Variants in TRIM5 observed in about 807,000 individuals in gnomAD.
TRIM5 encodes the protein tripartite motif containing 5.
Under a neutral mutation model 35.6 loss-of-function variants are expected in TRIM5, and 31 were observed. That is an observed-to-expected ratio of 0.87 (90% CI 0.65 to 1.18). The LOEUF is 1.18. TRIM5 is among the 50% of genes most tolerant of loss of function. The pLI is 0.00. For synonymous variants in TRIM5, 243 were observed against 215.6 expected (o/e 1.13, Z -1.11); for missense variants, 609 against 591.6 (o/e 1.03, Z -0.31).
chr11:5,642,367 T>C, the TRIM5 span: 15 of 1,571,932 alleles, frequency 9.5e-6, 1 homozygote, highest in Admixed American at 1.9e-4. Context: ...GGACACAGGA[T>C]GAGAGATGTG....
chr11:5,630,769 C>T, the TRIM5 span, among the ~76,000 whole-genome samples: 1 of 152,140 alleles, frequency 6.6e-6, no homozygotes, highest in Non-Finnish European at 1.5e-5. Flanking sequence ...TTACACCTAC[C>T]ATTTTACATT....
At chr11:5,655,716 A>G in the TRIM5 span, 219 of 985,068 alleles carry the variant, frequency 2.2e-4, no homozygotes, top group East Asian at 0.02. Flanking sequence ...AAAAAAGAAT[A>G]AGATAGATAA....
chr11:5,643,126 T>TATATATA, the TRIM5 span: 471,167 of 1,074,102 alleles, frequency 0.44, 89,086 homozygotes, highest in Non-Finnish European at 0.47. Context: ...TATATATATA[T>TATATATA]TTTTTTTTTT....
In TRIM5 at chr11:5,665,067, A is replaced by T. The variant is rs1437989204; in HGVS notation, c.1224T>A (p.Val408=). The change falls in exon 8 of 8, where the codon GTT becomes GTA. Residue 408 remains valine (V), a synonymous_variant. Transcript: ENST00000380034. ...GYWVIGLEEG[V]KCSAFQDSSF... is the part of the protein sequence containing the mutation. ...AACTATCCTGGAAAGCACTACATTT[A>T]ACTCCTTCCTCTAACCCTATAACCC... is the stretch of plus-strand genomic sequence containing the variant. The T allele has an allele frequency of 1.2e-6, 2 of 1,614,134 alleles. No individual in the cohort carries two copies. The highest frequency in any genetic ancestry group is 2.2e-5 in the South Asian group (2 of 91,076).
chr11:5,603,981 G>C, the TRIM5 span, among the ~76,000 whole-genome samples: 1 of 151,834 alleles, frequency 6.6e-6, no homozygotes, highest in African/African-American at 2.4e-5. Context: ...GGCAGGGTAG[G>C]TAAAGGAATT....
chr11:5,653,746 C>T, the TRIM5 span, among the ~76,000 whole-genome samples: 1 of 152,104 alleles, frequency 6.6e-6, no homozygotes, highest in Non-Finnish European at 1.5e-5. Flanking sequence ...CTGCCTCGGC[C>T]TCCCAAAGTG....
chr11:5,599,497 G>A, the TRIM5 span, among the ~76,000 whole-genome samples: 3 of 151,988 alleles, frequency 2.0e-5, no homozygotes, highest in Non-Finnish European at 4.4e-5. Context: ...TCCACCTTCC[G>A]GGTTCACGCC....
At position 5,678,298 on chromosome 11, in the gene TRIM5, G is replaced by C. The variant is rs140632799; in HGVS notation, c.650C>G (p.Ser217Cys). The C allele has an allele frequency of 1.9e-6, 3 of 1,614,040 alleles. No homozygotes were observed. Among genetic ancestry groups the C allele is most frequent in the Non-Finnish European group, 2.5e-6 (3 of 1,180,016 alleles). ...GGTCTGCTGCACCATCTCAGTTTCAGAGTTCGTAAGGCTTTTCAGAATGTC... is the reference window on the plus strand; with the variant it reads ...GGTCTGCTGCACCATCTCAGTTTCACAGTTCGTAAGGCTTTTCAGAATGTC... ...EEDILKSLTN[S>C]ETEMVQQTQS... The change falls in exon 4 of 8, where the codon TCT (serine) becomes TGT (cysteine). Residue 217 changes from serine (S) to cysteine (C), a missense_variant. Physicochemically the swap from Ser to Cys is moderately radical, Grantham distance 112. Coordinates refer to ENST00000380034, the MANE Select transcript of TRIM5 (RefSeq NM_033034.3).
the TRIM5 span, among the ~76,000 whole-genome samples, chr11:5,607,175 G>T: frequency 3.3e-5 from 5 of 152,120 alleles, no homozygotes; most frequent in Middle Eastern, 3.2e-3. Flanking sequence ...CTGCACTCCA[G>T]CCTGGGCGAC....
chr11:5,673,349 G>T (rs896039250), intron 4 of TRIM5, among the ~76,000 whole-genome samples: 1 of 152,090 alleles, frequency 6.6e-6, no homozygotes, highest in Non-Finnish European at 1.5e-5. Context: ...ATTTCATAAT[G>T]AAAGAAAGGT....
the TRIM5 span, among the ~76,000 whole-genome samples, chr11:5,649,103 A>G: frequency 1.3e-5 from 2 of 152,094 alleles, no homozygotes; most frequent in African/African-American, 4.8e-5. Flanking sequence ...CCAACTCTCT[A>G]TTTTTACTCA....
At chr11:5,604,708 G>A in the TRIM5 span, 1 of 1,432,648 alleles carries the variant, frequency 7.0e-7, no homozygotes, top group Non-Finnish European at 9.4e-7. Flanking sequence ...AGGAGTCCTT[G>A]TCCTGTCTGT....
At chr11:5,592,323 G>A in the TRIM5 span, among the ~76,000 whole-genome samples, 1 of 152,088 alleles carries the variant, frequency 6.6e-6, no homozygotes, top group Non-Finnish European at 1.5e-5. Flanking sequence ...TTCAGGGACT[G>A]TCCTAAGTAC....
At chr11:5,658,405 G>A (rs534786960), downstream of TRIM5, among the ~76,000 whole-genome samples, 7 of 152,220 alleles carry the variant, frequency 4.6e-5, no homozygotes, top group Admixed American at 2.6e-4. Context: ...CCTTGCACTC[G>A]TTCTCCAAGC....
the TRIM5 span, among the ~76,000 whole-genome samples, chr11:5,620,470 G>C: frequency 2.0e-5 from 3 of 152,024 alleles, no homozygotes; most frequent in African/African-American, 7.2e-5. Context: ...TATAGTGCTG[G>C]GATTACAGGA....
At chr11:5,604,826 C>G in the TRIM5 span, 1 of 548,658 alleles carries the variant, frequency 1.8e-6, no homozygotes, top group Non-Finnish European at 3.1e-6. Context: ...AAAACTGAAC[C>G]TAGGAGACAA....
At chr11:5,593,271 ACT>A in the TRIM5 span, among the ~76,000 whole-genome samples, 29 of 152,286 alleles carry the variant, frequency 1.9e-4, no homozygotes, top group East Asian at 4.1e-3. Flanking sequence ...TGCAATATCT[ACT>A]TTTTTCTTTT....
At chr11:5,620,945 G>A in the TRIM5 span, among the ~76,000 whole-genome samples, 11 of 152,266 alleles carry the variant, frequency 7.2e-5, no homozygotes, top group African/African-American at 2.6e-4. Context: ...TTCTAAACTA[G>A]TAAAGCAGTT....
At chr11:5,683,636 ACT>A (rs1048271387) in intron 1 of TRIM5, among the ~76,000 whole-genome samples, 3 of 151,872 alleles carry the variant, frequency 2.0e-5, no homozygotes, top group Non-Finnish European at 2.9e-5. Context: ...ACCAATCGAC[ACT>A]CTGTATCTAG....
Sources: gnomAD v4.1 joint callset for allele counts (sites outside exome capture counted in the v4.1 genomes callset) on GRCh38, gnomAD v4.1.1 for gene constraint, MANE v1.5 for transcripts, NCBI Gene and HGNC (gene_info 2026-07-23, HGNC 2026-07-21) for gene names.